MACROD2: variants seen among roughly 807,000 people sequenced by gnomAD.
MACROD2 encodes the protein ADP-ribose glycohydrolase MACROD2.
In MACROD2, 36 loss-of-function variants were observed where a neutral mutation model predicts 70.4. The ratio of observed to expected loss-of-function variants is 0.51; its 90% confidence interval spans 0.39 to 0.68. The LOEUF (loss-of-function observed/expected upper bound fraction) is 0.68. Ranked by LOEUF, MACROD2 falls within the 30% of genes least tolerant of loss-of-function variation. The pLI is 0.00. For synonymous variants in MACROD2, 172 were observed against 178.8 expected, an observed-to-expected ratio of 0.96 and a Z score of 0.30; for missense variants, 496 against 538.4, an observed-to-expected ratio of 0.92 and a Z score of 0.78.
chr20:14,878,640 A>G (rs1356620218), intron 5 of MACROD2, among the ~76,000 whole-genome samples: 5 of 152,184 alleles, frequency 3.3e-5, no homozygotes, highest in Non-Finnish European at 7.4e-5. Context: ...AAATAGTCAA[A>G]AGAACATTTT....
At chr20:15,221,036 T>C (rs540073900) in intron 5 of MACROD2, among the ~76,000 whole-genome samples, 1 of 152,318 alleles carries the variant, frequency 6.6e-6, no homozygotes, top group South Asian at 2.1e-4. Context: ...GTCCCGACAT[T>C]GACCCATCTG....
chr20:15,860,076 A>C (rs1486281357), intron 8 of MACROD2, among the ~76,000 whole-genome samples: 1 of 152,166 alleles, frequency 6.6e-6, no homozygotes, highest in Non-Finnish European at 1.5e-5. Context: ...CGGAGGTGGC[A>C]GTGAGCTGAG....
intron 8 of MACROD2, among the ~76,000 whole-genome samples, chr20:15,673,131 C>T (rs1255471429): frequency 1.3e-5 from 2 of 152,094 alleles, no homozygotes; most frequent in Non-Finnish European, 2.9e-5. Context: ...ATAGAGCCAC[C>T]ATCTCTCTAC....
intron 8 of MACROD2, among the ~76,000 whole-genome samples, chr20:15,702,894 A>G (rs971561405): frequency 1.3e-5 from 2 of 152,250 alleles, no homozygotes; most frequent in Non-Finnish European, 1.5e-5. Flanking sequence ...GAACTATACT[A>G]TAAGGCCACA....
intron 7 of MACROD2, among the ~76,000 whole-genome samples, chr20:15,462,220 A>G (rs1198307949): frequency 6.6e-6 from 1 of 152,192 alleles, no homozygotes; most frequent in African/African-American, 2.4e-5. Flanking sequence ...CTCTAGGAAA[A>G]TGATTGGAGA....
intron 4 of MACROD2, among the ~76,000 whole-genome samples, chr20:14,531,000 T>A (rs1054907182): frequency 3.9e-5 from 6 of 152,226 alleles, no homozygotes; most frequent in Non-Finnish European, 1.5e-5. Context: ...TCTTTTGTTA[T>A]TTTCTCTTTT....
intron 6 of MACROD2, among the ~76,000 whole-genome samples, chr20:15,304,838 T>C (rs2077681622): frequency 6.6e-6 from 1 of 152,224 alleles, no homozygotes; most frequent in African/African-American, 2.4e-5. Context: ...GCATCAGGAA[T>C]AAAAACTTCC....
chr20:14,131,102 T>A (rs1186607482), intron 3 of MACROD2, among the ~76,000 whole-genome samples: 1 of 152,048 alleles, frequency 6.6e-6, no homozygotes, highest in Non-Finnish European at 1.5e-5. Context: ...TTTTAAAAAA[T>A]TTTTTAGTAG....
At chr20:14,299,048 C>G (rs867324952) in intron 3 of MACROD2, among the ~76,000 whole-genome samples, 2 of 151,998 alleles carry the variant, frequency 1.3e-5, no homozygotes. Flanking sequence ...ATAAAACAGT[C>G]GCAGGGTTTG....
At chr20:14,594,432 C>A (rs552653923) in intron 4 of MACROD2, among the ~76,000 whole-genome samples, 1 of 152,048 alleles carries the variant, frequency 6.6e-6, no homozygotes, top group African/African-American at 2.4e-5. Context: ...CAAATAGATA[C>A]GTTAAAATTG....
At chr20:14,992,835 A>G (rs1196601503) in intron 5 of MACROD2, among the ~76,000 whole-genome samples, 1 of 152,094 alleles carries the variant, frequency 6.6e-6, no homozygotes, top group Admixed American at 6.5e-5. Context: ...CTTTTTGCCT[A>G]TGATGTTTTA....
At chr20:14,141,870 A>T (rs746513608) in intron 3 of MACROD2, among the ~76,000 whole-genome samples, 2 of 152,016 alleles carry the variant, frequency 1.3e-5, no homozygotes, top group African/African-American at 2.4e-5. Context: ...CAGCTTAAAA[A>T]ATTATATGTC....
At position 14,506,050 on chromosome 20, in the gene MACROD2, G is replaced by C. The variant is rs560198535; in HGVS notation, c.301+12542G>C. 6.6e-5 allele frequency among the ~76,000 whole-genome samples: 10 copies of C among 152,288 alleles called. No individual in the cohort carries two copies. The East Asian group carries it at 1.5e-3, about 24-fold the overall frequency. ...AATCTGCAAGGGTTGGGAGTGTTGG[G>C]GGGTGGGCAGGTTGTGCCTCTGTAG... On this transcript the variant is annotated intron_variant, in intron 4 of 17. Transcript: ENST00000684519.
chr20:15,330,038 C>G (rs1181880788), intron 6 of MACROD2, among the ~76,000 whole-genome samples: 1 of 151,994 alleles, frequency 6.6e-6, no homozygotes, highest in Non-Finnish European at 1.5e-5. Flanking sequence ...CTAAGTTTCC[C>G]CGAGTTTATC....
chr20:15,890,531 A>G (rs2064874884), intron 10 of MACROD2, among the ~76,000 whole-genome samples: 1 of 152,086 alleles, frequency 6.6e-6, no homozygotes, highest in African/African-American at 2.4e-5. Flanking sequence ...TTTTTGCTGA[A>G]CCCATTCCAA....
chr20:14,878,401 A>G (rs904714517), intron 5 of MACROD2, among the ~76,000 whole-genome samples: 1 of 152,152 alleles, frequency 6.6e-6, no homozygotes, highest in African/African-American at 2.4e-5. Flanking sequence ...GGGCACATTC[A>G]TATTTTTTTG....
Position 15,768,580 on chromosome 20 carries a change from C to T in MACROD2, c.646-94165C>T, listed in dbSNP as rs143503575. Among the ~76,000 whole-genome samples, 754 of 152,254 alleles carry T rather than the reference C, an allele frequency of 5.0e-3. 3 individuals are homozygous for T. Among genetic ancestry groups the T allele is most frequent in the African/African-American group, 0.018 (730 of 41,546 alleles). On this transcript the variant is annotated intron_variant, in intron 8 of 17. Transcript: ENST00000684519. ...CACACTGCTGTAGACTTCAGAAACA[C>T]TGTACACTTAGGCTACACTAAATTT... is the stretch of plus-strand genomic sequence containing the variant.
At chr20:15,027,094 A>G (rs2075237688) in intron 5 of MACROD2, among the ~76,000 whole-genome samples, 1 of 152,176 alleles carries the variant, frequency 6.6e-6, no homozygotes. Context: ...GTTGTGTCAC[A>G]GATTCAGAAA....
intron 8 of MACROD2, among the ~76,000 whole-genome samples, chr20:15,663,673 G>A (rs1391344706): frequency 6.6e-6 from 1 of 151,856 alleles, no homozygotes. Flanking sequence ...ATATGACTGT[G>A]GTCTTTTATC....
Sources: allele counts gnomAD v4.1 joint callset (sites outside exome capture counted in the v4.1 genomes callset), GRCh38; gene constraint gnomAD v4.1.1; transcripts MANE v1.5; gene names NCBI Gene and HGNC (gene_info 2026-07-23, HGNC 2026-07-21).